MARCHF8: variants seen among roughly 807,000 people sequenced by gnomAD.
MARCHF8 encodes the protein E3 ubiquitin-protein ligase MARCHF8.
MARCHF8 carries 40 observed loss-of-function variants against 51.6 expected under a neutral mutation model. That is an observed-to-expected ratio of 0.77 (90% CI 0.60 to 1.01). The LOEUF is 1.01. Ranked by LOEUF, MARCHF8 falls within the 50% of genes least tolerant of loss-of-function variation. MARCHF8 has a pLI of 0.00. For synonymous variants in MARCHF8, 263 were observed against 280.3 expected (o/e 0.94, Z 0.62); for missense variants, 685 against 708.6 (o/e 0.97, Z 0.38).
chr10:45,571,668 G>A (rs1424448990), intron 1 of MARCHF8, among the ~76,000 whole-genome samples: 1 of 152,100 alleles, frequency 6.6e-6, no homozygotes, highest in Non-Finnish European at 1.5e-5. Context: ...TACGACCTCT[G>A]GTCCTCTGAC....
chr10:45,514,052 A>G (rs2043579354), intron 2 of MARCHF8, among the ~76,000 whole-genome samples: 1 of 152,228 alleles, frequency 6.6e-6, no homozygotes, highest in Non-Finnish European at 1.5e-5. Flanking sequence ...ATTTTTTTAC[A>G]TCAAGAATAA....
intron 1 of MARCHF8, among the ~76,000 whole-genome samples, chr10:45,587,008 C>T (rs2044626044): frequency 6.6e-6 from 1 of 151,646 alleles, no homozygotes; most frequent in African/African-American, 2.4e-5. Context: ...TTTTGTACCA[C>T]ATATAAGACT....
At chr10:45,549,104 A>C (rs2044165108) in intron 1 of MARCHF8, among the ~76,000 whole-genome samples, 2 of 152,052 alleles carry the variant, frequency 1.3e-5, no homozygotes, top group South Asian at 4.1e-4. Context: ...ATAGATAACG[A>C]AAGGGGGATG....
chr10:45,503,830 C>T (rs1378297846), intron 2 of MARCHF8, among the ~76,000 whole-genome samples: 1 of 91,572 alleles, frequency 1.1e-5, no homozygotes, highest in Admixed American at 1.1e-4. Context: ...ACAATATGAA[C>T]CCTGAAAACA....
chr10:45,489,414 C>A lies in MARCHF8; in HGVS notation c.106G>T (p.Glu36Ter). Residue 36 changes from glutamate (E) to a stop codon, truncating the protein, a stop_gained, in exon 3 of 8, where the codon GAG (glutamate) becomes TAG (stop). Coordinates refer to ENST00000453424, the MANE Select transcript of MARCHF8 (RefSeq NM_001282866.2). LOFTEE classifies it high-confidence loss of function. The stretch of plus-strand genomic sequence containing the variant: ...CTCATGAAATGTCCCAAAGTCTTCT[C>A]ATTCTGCAAGAAAATCAAACAGGTT... ...TKEKEREEQNEKTLGHFMSHS... is the reference protein window; with the variant it reads ...TKEKEREEQN 3 of 1,611,510 alleles carry A rather than the reference C, an allele frequency of 1.9e-6. No homozygotes were observed. The highest frequency in any genetic ancestry group is 2.5e-6 in the Non-Finnish European group (3 of 1,178,878).
intron 1 of MARCHF8, among the ~76,000 whole-genome samples, chr10:45,565,797 T>C (rs563744985): frequency 1.4e-4 from 22 of 152,224 alleles, no homozygotes; most frequent in African/African-American, 4.3e-4. Flanking sequence ...CTTGGGAAAA[T>C]AGTATTAAGT....
At chr10:45,513,470 G>C (rs564795933) in intron 2 of MARCHF8, among the ~76,000 whole-genome samples, 54 of 152,252 alleles carry the variant, frequency 3.5e-4, no homozygotes, top group African/African-American at 1.3e-3. Flanking sequence ...TGTAGAAAGA[G>C]ATTGTCCATT....
chr10:45,536,353 A>G (rs1011985215), upstream of MARCHF8, among the ~76,000 whole-genome samples: 2 of 152,118 alleles, frequency 1.3e-5, no homozygotes, highest in Non-Finnish European at 2.9e-5. Context: ...AGCCACATGC[A>G]AAAGAAATTT....
In MARCHF8 at chr10:45,573,987, T is replaced by C. The variant is rs1231763237; in HGVS notation, c.-79+20248A>G. Among the ~76,000 whole-genome samples the C allele has an allele frequency of 3.3e-5, 5 of 152,176 alleles. 1 individual carries two copies. The highest frequency in any genetic ancestry group is 1.2e-4 in the African/African-American group (5 of 41,432). On this transcript the variant is annotated intron_variant, in intron 1 of 6. Coordinates refer to the MARCHF8 transcript ENST00000319836. ...AGGTCAAAACATTTTAACTAAATTATTTGCTTCCCTGACTATTCCTGGGCT... is the reference window on the plus strand; with the variant it reads ...AGGTCAAAACATTTTAACTAAATTACTTGCTTCCCTGACTATTCCTGGGCT...
chr10:45,585,739 A>T (rs992609256), intron 1 of MARCHF8, among the ~76,000 whole-genome samples: 1 of 152,180 alleles, frequency 6.6e-6, no homozygotes, highest in South Asian at 2.1e-4. Flanking sequence ...AAATATTGTA[A>T]TATCTATTCA....
intron 2 of MARCHF8, among the ~76,000 whole-genome samples, chr10:45,527,937 T>A (rs899649990): frequency 6.6e-6 from 1 of 152,144 alleles, no homozygotes; most frequent in South Asian, 2.1e-4. Flanking sequence ...GGGATACAAG[T>A]AGGGTTTAAC....
intron 2 of MARCHF8, among the ~76,000 whole-genome samples, chr10:45,520,538 T>TC (rs1294541629): frequency 6.6e-6 from 1 of 152,180 alleles, no homozygotes; most frequent in Non-Finnish European, 1.5e-5. Flanking sequence ...AAGTCAGTCT[T>TC]GAGAGTTAGA....
chr10:45,545,754 T>G (rs2044111711), intron 1 of MARCHF8, among the ~76,000 whole-genome samples: 1 of 152,168 alleles, frequency 6.6e-6, no homozygotes, highest in South Asian at 2.1e-4. Flanking sequence ...ATCCAACAGC[T>G]GAACGAGAGC....
At chr10:45,557,480 A>G (rs2044265637) in intron 1 of MARCHF8, among the ~76,000 whole-genome samples, 1 of 152,058 alleles carries the variant, frequency 6.6e-6, no homozygotes, top group Admixed American at 6.5e-5. Flanking sequence ...TCTATCCTAC[A>G]CAGACCTCTA....
rs144612964 is a variant in MARCHF8 at position 45,470,206 on chromosome 10, C to T, written c.154-5879G>A. ...TTCCCACAGACTAGGAGTCTACATG[C>T]GCATGCTGAGACTCTCTGCTCTGGT... On this transcript the variant is annotated intron_variant, in intron 3 of 7. Coordinates refer to ENST00000453424, the MANE Select transcript of MARCHF8 (RefSeq NM_001282866.2). 2.0e-3 allele frequency among the ~76,000 whole-genome samples: 302 copies of T among 152,258 alleles called. 1 individual carries two copies. The highest frequency in any genetic ancestry group is 6.6e-3 in the African/African-American group (276 of 41,536).
intron 3 of MARCHF8, among the ~76,000 whole-genome samples, chr10:45,468,462 T>C (rs1162861610): frequency 1.3e-5 from 2 of 152,218 alleles, no homozygotes; most frequent in Non-Finnish European, 2.9e-5. Flanking sequence ...GGGCCTCCTT[T>C]TCACTCATCA....
chr10:45,463,538 C>G lies in MARCHF8; in HGVS notation c.701G>C (p.Gly234Ala). ...CAGCAGGCCGGGCCTGCCCCCCTTG[C>G]CAGCTTCCACCTCTGAGGCAGTTGA... is the stretch of plus-strand genomic sequence containing the variant. ...GRSTASEVEA[G>A]KGGRPGLLLE... The change falls in exon 5 of 8, where the codon GGC becomes GCC. Residue 234 changes from glycine to alanine, a missense_variant. Coordinates refer to ENST00000453424, the MANE Select transcript of MARCHF8 (RefSeq NM_001282866.2). 1 of 1,550,638 alleles carries G rather than the reference C, an allele frequency of 6.4e-7. No individual in the cohort carries two copies. The highest frequency in any genetic ancestry group is 1.2e-5 in the South Asian group (1 of 84,060).
intron 1 of MARCHF8, among the ~76,000 whole-genome samples, chr10:45,541,099 G>T (rs2044045707): frequency 6.6e-6 from 1 of 152,148 alleles, no homozygotes; most frequent in South Asian, 2.1e-4. Flanking sequence ...AAATCATGCT[G>T]TTATAAAAGA....
intron 1 of MARCHF8, among the ~76,000 whole-genome samples, chr10:45,576,640 G>A (rs79752400): frequency 0.062 from 9,377 of 151,940 alleles, 332 homozygotes; most frequent in Non-Finnish European, 0.067. Context: ...ACTTAATCAC[G>A]CCCTGGTGTC....
Sources: allele counts gnomAD v4.1 joint callset (sites outside exome capture counted in the v4.1 genomes callset), GRCh38; gene constraint gnomAD v4.1.1; transcripts MANE v1.5; gene names NCBI Gene and HGNC (gene_info 2026-07-23, HGNC 2026-07-21).